FLRT2: variants seen among roughly 807,000 people sequenced by gnomAD.
FLRT2 encodes the protein fibronectin leucine rich transmembrane protein 2.
A neutral mutation model predicts 40.0 loss-of-function variants in FLRT2; 15 were observed. The ratio of observed to expected loss-of-function variants is 0.38; its 90% CI spans 0.25 to 0.58. FLRT2 has a LOEUF of 0.58. FLRT2 is among the 20% of genes least tolerant of loss of function. The probability of loss-of-function intolerance (pLI) is 0.71; values close to 1 mark genes in which losing one functional copy is unlikely to be tolerated. For missense variants in FLRT2, 726 were observed against 840.0 expected (o/e 0.86, Z 1.68); for synonymous variants, 380 against 336.8 (o/e 1.13, Z -1.41).
intron 1 of FLRT2, chr14:85,551,826 A>AT (rs1230818396): frequency 6.6e-6 from 1 of 152,118 alleles, no homozygotes; most frequent in East Asian, 1.9e-4. Context: ...TAACTCACAT[A>AT]TTTTTTATTT....
chr14:85,605,652 C>T (rs1260402067), intron 1 of FLRT2, among the ~76,000 whole-genome samples: 2 of 152,072 alleles, frequency 1.3e-5, no homozygotes, highest in Non-Finnish European at 2.9e-5. Flanking sequence ...CACCTGTAGT[C>T]CCAGCTACTC....
At chr14:85,602,024 A>G (rs982584466) in intron 1 of FLRT2, among the ~76,000 whole-genome samples, 4 of 152,208 alleles carry the variant, frequency 2.6e-5, no homozygotes, top group Non-Finnish European at 4.4e-5. Context: ...TTTTCACAAT[A>G]GAGAATTGCT....
At chr14:85,563,981 G>A (rs1890496221) in intron 1 of FLRT2, among the ~76,000 whole-genome samples, 1 of 152,144 alleles carries the variant, frequency 6.6e-6, no homozygotes, top group African/African-American at 2.4e-5. Context: ...AGAAGCCCTA[G>A]TGTGAAAGGG....
At chr14:85,543,637 T>C (rs1482761770) in intron 1 of FLRT2, among the ~76,000 whole-genome samples, 1 of 152,112 alleles carries the variant, frequency 6.6e-6, no homozygotes, top group African/African-American at 2.4e-5. Flanking sequence ...ACAATCTAGA[T>C]CTCAAACCAC....
chr14:85,596,111 T>C (rs1892127863), intron 1 of FLRT2, among the ~76,000 whole-genome samples: 1 of 152,144 alleles, frequency 6.6e-6, no homozygotes, highest in Non-Finnish European at 1.5e-5. Context: ...TTTAAAATAG[T>C]GATGCCCAAA....
chr14:85,609,624 TG>T (rs1191242054), intron 1 of FLRT2, among the ~76,000 whole-genome samples: 1 of 152,190 alleles, frequency 6.6e-6, no homozygotes, highest in Non-Finnish European at 1.5e-5. Context: ...TTAGGAGACT[TG>T]GTTCTAGAAA....
Position 85,631,077 on chromosome 14 carries a change from A to ATT in FLRT2, c.*7581_*7582dup, listed in dbSNP as rs1893856581. On this transcript the variant is annotated 3_prime_UTR_variant, in exon 2 of 2. Transcript: ENST00000330753. ...CCTCCTCCTTCATTACATGCTCTAG[A>ATT]TTATATATATATAATTACATATATA... 1 of 125,782 alleles carries ATT rather than the reference A, an allele frequency of 8.0e-6. No individual in the cohort carries two copies. The highest frequency in any genetic ancestry group is 3.2e-5 in the African/African-American group (1 of 31,472). The allele number at this position is 125,782 out of a possible 1,614,324, so 7.8% of individuals were successfully genotyped here.
chr14:85,601,806 C>T (rs1439331639), intron 1 of FLRT2, among the ~76,000 whole-genome samples: 2 of 152,256 alleles, frequency 1.3e-5, no homozygotes, highest in African/African-American at 4.8e-5. Flanking sequence ...GGTAAAGTCA[C>T]AGAGATGTGG....
At chr14:85,557,929 G>C (rs1257483801) in intron 1 of FLRT2, among the ~76,000 whole-genome samples, 1 of 152,180 alleles carries the variant, frequency 6.6e-6, no homozygotes, top group African/African-American at 2.4e-5. Flanking sequence ...AATGGTGACT[G>C]TAGAAATGGT....
rs1889059730 is a variant in FLRT2, at chr14:85,542,844, C to T, written c.-377+12310C>T. On this transcript the variant is annotated intron_variant, in intron 1 of 1. Coordinates refer to ENST00000330753, the MANE Select transcript of FLRT2 (RefSeq NM_013231.6). Reference sequence around the variant, plus strand: ...CTGAGGATTTGACAAAGATTGAGTCCTCACTGTGTGCCAGGCACCATGCTA... The same window carrying T: ...CTGAGGATTTGACAAAGATTGAGTCTTCACTGTGTGCCAGGCACCATGCTA... 3.3e-5 allele frequency among the ~76,000 whole-genome samples: 5 copies of T among 152,158 alleles called. No individual in the cohort carries two copies. In the South Asian group the frequency reaches 1.0e-3, roughly 32 times the overall value.
chr14:85,640,515 G>A lies in FLRT2; in HGVS notation c.*17018G>A, dbSNP rs1157444804. 2.0e-5 allele frequency: 3 copies of A among 152,164 alleles called. No individual in the cohort carries two copies. The highest frequency in any genetic ancestry group is 7.2e-5 in the African/African-American group (3 of 41,448). The allele number at this position is 152,164 out of a possible 1,614,324, so 9.4% of individuals were successfully genotyped here. On this transcript the variant is annotated 3_prime_UTR_variant, in exon 2 of 2. Transcript: ENST00000330753. The stretch of plus-strand genomic sequence containing the variant: ...GAAAGCCACTGGGAGCCTTCTGGGA[G>A]CCAGAAGCAAATTAGGAGACACAGA...
In FLRT2 at chr14:85,643,292, TTTCTTTCTTTCTTTCTTTC is replaced by T. The variant is rs1042691650; in HGVS notation, c.*19798_*19816del. 2.3e-5 allele frequency: 2 copies of T among 88,006 alleles called. No homozygotes were observed. The highest frequency in any genetic ancestry group is 1.2e-4 in the African/African-American group (2 of 16,466). 5.5% of individuals were successfully genotyped at this position (88,006 alleles called of 1,614,324 possible). On this transcript the variant is annotated 3_prime_UTR_variant, in exon 2 of 2. Coordinates refer to ENST00000330753, the MANE Select transcript of FLRT2 (RefSeq NM_013231.6). ...GAGAGTTCAGAGGGTATTTCTTTTT[TTTCTTTCTTTCTTTCTTTC>T]TTTCTTTCTTTCTTTCTTTCTTTCT... is the stretch of plus-strand genomic sequence containing the variant.
At position 85,638,534 on chromosome 14, in the gene FLRT2, T is replaced by C. The variant is rs12891273; in HGVS notation, c.*15037T>C. ...TGTCAGCTGCAAAAACCCTCCCAAG[T>C]AAGCCTCTTGTATGCTACTCTGTCT... On this transcript the variant is annotated 3_prime_UTR_variant, in exon 2 of 2. Coordinates refer to ENST00000330753, the MANE Select transcript of FLRT2 (RefSeq NM_013231.6). The C allele has an allele frequency of 0.25, 38,599 of 152,060 alleles. 5,018 individuals are homozygous for C. Among genetic ancestry groups the C allele is most frequent in the Middle Eastern group, 0.29 (86 of 294 alleles). The allele number at this position is 152,060 out of a possible 1,614,324, so 9.4% of individuals were successfully genotyped here.
intron 1 of FLRT2, among the ~76,000 whole-genome samples, chr14:85,575,938 T>G (rs185484682): frequency 5.3e-5 from 8 of 152,210 alleles, no homozygotes; most frequent in Non-Finnish European, 4.4e-5. Context: ...GGGAGGGGTA[T>G]AGCTTTTAAG....
chr14:85,605,293 T>C (rs1352251558), intron 1 of FLRT2, among the ~76,000 whole-genome samples: 3 of 152,154 alleles, frequency 2.0e-5, no homozygotes, highest in African/African-American at 7.2e-5. Flanking sequence ...GGCAGCTCTC[T>C]CCTGTGAATG....
chr14:85,596,702 C>A (rs527798043), intron 1 of FLRT2, among the ~76,000 whole-genome samples: 1 of 152,170 alleles, frequency 6.6e-6, no homozygotes, highest in East Asian at 1.9e-4. Context: ...CATGATGGTA[C>A]CTGGGAGAAT....
intron 1 of FLRT2, among the ~76,000 whole-genome samples, chr14:85,548,082 G>T (rs1023318054): frequency 3.9e-5 from 6 of 152,112 alleles, no homozygotes; most frequent in African/African-American, 1.4e-4. Flanking sequence ...TGATTTTGGG[G>T]CCCCAGGATT....
chr14:85,585,342 C>G (rs1891569176), intron 1 of FLRT2, among the ~76,000 whole-genome samples: 1 of 152,154 alleles, frequency 6.6e-6, no homozygotes, highest in African/African-American at 2.4e-5. Context: ...TCATCCCAGA[C>G]TATTCTTTTT....
rs181616189 is a variant in FLRT2 at position 85,641,082 on chromosome 14, C to G, written c.*17585C>G. On this transcript the variant is annotated 3_prime_UTR_variant, in exon 2 of 2. Coordinates refer to ENST00000330753, the MANE Select transcript of FLRT2 (RefSeq NM_013231.6). Reference sequence around the variant, plus strand: ...TAATCCCTTCCACAAAGTATTTAGTCTATGACTTATTTCTGCGAAAACCCA... The same window carrying G: ...TAATCCCTTCCACAAAGTATTTAGTGTATGACTTATTTCTGCGAAAACCCA... 1 of 152,158 alleles carries G rather than the reference C, an allele frequency of 6.6e-6. No individual in the cohort carries two copies. Among genetic ancestry groups the G allele is most frequent in the Non-Finnish European group, 1.5e-5 (1 of 68,046 alleles). The allele number at this position is 152,158 out of a possible 1,614,324, so 9.4% of individuals were successfully genotyped here. A position where few individuals can be genotyped will look rare whatever the true frequency, so the allele number is the denominator to read the frequency against.
Sources: gnomAD v4.1 joint callset for allele counts (sites outside exome capture counted in the v4.1 genomes callset) on GRCh38, gnomAD v4.1.1 for gene constraint, MANE v1.5 for transcripts, NCBI Gene and HGNC (gene_info 2026-07-23, HGNC 2026-07-21) for gene names.